Variants in FLT1 observed in about 807,000 individuals in gnomAD.
The protein encoded by FLT1 is vascular endothelial growth factor receptor 1.
In FLT1, 49 loss-of-function variants were observed where a neutral mutation model predicts 156.3. The observed-to-expected ratio is 0.31, with a 90% CI of 0.25 to 0.40. The LOEUF (loss-of-function observed/expected upper bound fraction) is 0.40. Among genes scored for constraint, FLT1 ranks in the 10% least tolerant of loss-of-function variants. The pLI, the probability that FLT1 is intolerant of heterozygous loss-of-function variation, is 1.00. For missense variants in FLT1, 1,322 were observed against 1,637.2 expected (o/e 0.81, Z 3.32); for synonymous variants, 594 against 583.8 (o/e 1.02, Z -0.25).
rs61763564 is a variant in FLT1 at position 28,311,820 on chromosome 13, T to C, written c.3493-88A>G. On this transcript the variant is annotated intron_variant, in intron 26 of 29. Transcript: ENST00000282397. ...ATTATGTCAACTTTGACTATGTCAT[T>C]TGCACAATCTTGGTTGTGTTTTGAG... is the stretch of plus-strand genomic sequence containing the variant. 1,836 of 1,431,820 alleles carry C rather than the reference T, an allele frequency of 1.3e-3. 17 individuals carry two copies. The African/African-American group carries it at 0.022, about 17-fold the overall frequency. The allele number at this position is 1,431,820 out of a possible 1,614,324, so 88.7% of individuals were successfully genotyped here. A position where few individuals can be genotyped will look rare whatever the true frequency, so the allele number is the denominator to read the frequency against.
intron 9 of FLT1, 44 bp from the exon 10 acceptor site, chr13:28,427,362 T>G (rs768320978): frequency 5.6e-5 from 89 of 1,590,528 alleles, no homozygotes; most frequent in Middle Eastern, 1.7e-4. Flanking sequence ...AGAGCAGTTC[T>G]AATGACTTTC....
At chr13:28,359,304 A>T (rs1239842357) in intron 14 of FLT1, among the ~76,000 whole-genome samples, 1 of 152,196 alleles carries the variant, frequency 6.6e-6, no homozygotes, top group Admixed American at 6.5e-5. Context: ...TCTCCTTAAT[A>T]AGTGGTGTTG....
intron 1 of FLT1, among the ~76,000 whole-genome samples, chr13:28,480,589 CTT>C (rs1490587266): frequency 6.6e-6 from 1 of 152,216 alleles, no homozygotes; most frequent in East Asian, 1.9e-4. Flanking sequence ...AGCAGGGTCT[CTT>C]TCTCCTTCAA....
chr13:28,427,436 AC>A (rs1877413986), intron 9 of FLT1, 118 bp from the exon 10 acceptor site: 2 of 953,584 alleles, frequency 2.1e-6, no homozygotes, highest in African/African-American at 3.3e-5. Flanking sequence ...CAAACAAGAA[AC>A]AAAAAAACAA....
chr13:28,372,019 G>GGT (rs142534765), intron 14 of FLT1, among the ~76,000 whole-genome samples: 1,342 of 24,570 alleles, frequency 0.055, 103 homozygotes, highest in East Asian at 0.13. Flanking sequence ...ATAAATCATT[G>GGT]GTGTGTGTGT....
chr13:28,338,897 G>A (rs537928350), intron 17 of FLT1, among the ~76,000 whole-genome samples: 2 of 152,260 alleles, frequency 1.3e-5, no homozygotes, highest in South Asian at 4.2e-4. Context: ...AAGCACCTTT[G>A]TGTCTCCAGG....
chr13:28,389,815 C>T lies in FLT1; in HGVS notation c.1950G>A (p.Lys650=). 1 of 1,614,158 alleles carries T rather than the reference C, an allele frequency of 6.2e-7. No individual in the cohort carries two copies. The highest frequency in any genetic ancestry group is 8.5e-7 in the Non-Finnish European group (1 of 1,180,016). The part of the protein sequence containing the change: ...NVYTGEEILQ[K]KEITIRDQEA... ...GCTCACCTCTGATTGTAATTTCTTT[C>T]TTCTGGAGGATTTCTTCCCCTGTGT... is the stretch of plus-strand genomic sequence containing the variant. The change falls in exon 13 of 30, where the codon AAG becomes AAA. Residue 650 remains lysine (K), a synonymous_variant. Coordinates refer to ENST00000282397, the MANE Select transcript of FLT1 (RefSeq NM_002019.4).
At position 28,348,638 on chromosome 13, in the gene FLT1, G is replaced by A. The variant is rs555579733; in HGVS notation, c.2249-3087C>T. ...TTTAAAGAGTTTAGGGGCCGGGCGC[G>A]GTGGCTCATGCCTGTAATCCCAGCA... On this transcript the variant is annotated intron_variant, in intron 15 of 29. Coordinates refer to ENST00000282397, the MANE Select transcript of FLT1 (RefSeq NM_002019.4). Among the ~76,000 whole-genome samples, 6 of 152,284 alleles carry A rather than the reference G, an allele frequency of 3.9e-5. No homozygotes were observed. In the South Asian group the frequency reaches 6.2e-4, roughly 16 times the overall value.
chr13:28,389,204 A>G, intron 13 of FLT1: 1 of 1,097,264 alleles, frequency 9.1e-7, no homozygotes, highest in Non-Finnish European at 1.1e-6. Flanking sequence ...TCCAGGTGCT[A>G]TTTACAAATC....
At chr13:28,473,725 AGAAAGAAGGAAG>A (rs1226604951) in intron 1 of FLT1, among the ~76,000 whole-genome samples, 1,000 of 89,172 alleles carry the variant, frequency 0.011, 51 homozygotes, top group African/African-American at 0.031. Context: ...AAAGAAAGAA[AGAAAGAAGGAAG>A]GAAGGAAGGA....
At position 28,327,466 on chromosome 13, in the gene FLT1, T is replaced by C. The variant is rs1871731346; in HGVS notation, c.2792A>G (p.Asn931Ser). The C allele has an allele frequency of 1.9e-6, 3 of 1,600,546 alleles. No individual in the cohort carries two copies. Among genetic ancestry groups the C allele is most frequent in the East Asian group, 2.2e-5 (1 of 44,826 alleles). ...TCCAACTTTTGAAATCCTTACCTTG[T>C]TGAGAAAAAATAAGTCACGTTTGCT... is the stretch of plus-strand genomic sequence containing the variant. ...LKSKRDLFFL[N>S]KDAALHMEPK... The change falls in exon 20 of 30, where the codon AAC becomes AGC. Residue 931 changes from asparagine (N) to serine (S), a missense_variant. Around this residue, in one of 3 missense-constraint regions of FLT1, gnomAD observed 991 missense variants for 1,254.8 expected, o/e 0.79. Transcript: ENST00000282397.
At chr13:28,377,497 C>A (rs61763195) in intron 14 of FLT1, among the ~76,000 whole-genome samples, 2 of 149,410 alleles carry the variant, frequency 1.3e-5, no homozygotes, top group Admixed American at 7.0e-5. Context: ...ACGATAATAG[C>A]GAATAAGGCA....
chr13:28,348,687 A>G (rs1311040652), intron 15 of FLT1, among the ~76,000 whole-genome samples: 2 of 152,168 alleles, frequency 1.3e-5, no homozygotes, highest in South Asian at 4.1e-4. Context: ...AGGTAGGCGG[A>G]TCATGAGGTC....
At chr13:28,395,604 G>C (rs977205058) in intron 12 of FLT1, among the ~76,000 whole-genome samples, 1 of 142,708 alleles carries the variant, frequency 7.0e-6, no homozygotes, top group South Asian at 2.2e-4. Context: ...TTAAAAAAAC[G>C]TGGTTACTAG....
chr13:28,309,972 C>T (rs1459571778), intron 27 of FLT1, among the ~76,000 whole-genome samples: 3 of 144,118 alleles, frequency 2.1e-5, no homozygotes, highest in African/African-American at 7.6e-5. Context: ...TCACTGAAAC[C>T]TCCGCCTCCC....
At chr13:28,485,508 T>C (rs1357107398) in intron 1 of FLT1, among the ~76,000 whole-genome samples, 1 of 152,180 alleles carries the variant, frequency 6.6e-6, no homozygotes, top group Non-Finnish European at 1.5e-5. Context: ...GGTCAAGACA[T>C]TATGTAGCAT....
chr13:28,407,171 C>T (rs886228731), intron 10 of FLT1, among the ~76,000 whole-genome samples: 11 of 152,244 alleles, frequency 7.2e-5, no homozygotes, highest in Admixed American at 4.6e-4. Context: ...ATGCCGTCGG[C>T]GCCCCATAAA....
At chr13:28,378,601 CCTCT>C (rs1341071067) in intron 14 of FLT1, among the ~76,000 whole-genome samples, 1 of 152,012 alleles carries the variant, frequency 6.6e-6, no homozygotes, top group Non-Finnish European at 1.5e-5. Context: ...AGTTATTTTT[CCTCT>C]CTATGTCTCA....
At chr13:28,470,514 G>A (rs1880103192) in intron 1 of FLT1, among the ~76,000 whole-genome samples, 1 of 152,082 alleles carries the variant, frequency 6.6e-6, no homozygotes, top group South Asian at 2.1e-4. Flanking sequence ...CTCCCGTCCA[G>A]GAAAAGAAGC....
Sources: allele counts gnomAD v4.1 joint callset (sites outside exome capture counted in the v4.1 genomes callset), GRCh38; gene constraint gnomAD v4.1.1; regional missense constraint gnomAD v4.1.1; transcripts MANE v1.5; gene names NCBI Gene and HGNC (gene_info 2026-07-23, HGNC 2026-07-21).